Variants in SEMA3A observed in about 807,000 individuals in gnomAD.
SEMA3A encodes the protein semaphorin 3A.
SEMA3A carries 29 observed loss-of-function variants against 97.9 expected under a neutral mutation model. The observed-to-expected ratio is 0.30, with a 90% CI of 0.22 to 0.40. The LOEUF is 0.40. Among genes scored for constraint, SEMA3A ranks in the 10% least tolerant of loss-of-function variants. The probability of loss-of-function intolerance (pLI) is 1.00; values close to 1 mark genes in which losing one functional copy is unlikely to be tolerated. For missense variants in SEMA3A, 763 were observed against 951.3 expected, an observed-to-expected ratio of 0.80 and a Z score of 2.60; for synonymous variants, 321 against 323.7, an observed-to-expected ratio of 0.99 and a Z score of 0.09.
chr7:84,329,479 A>G (rs905011108), intron 2 of SEMA3A, among the ~76,000 whole-genome samples: 2 of 152,136 alleles, frequency 1.3e-5, no homozygotes, highest in East Asian at 3.9e-4. Flanking sequence ...ACTTCTCCCA[A>G]TGTGGCCCAC....
At chr7:84,176,072 C>G (rs565978976) in intron 1 of SEMA3A, among the ~76,000 whole-genome samples, 1 of 134,020 alleles carries the variant, frequency 7.5e-6, no homozygotes, top group African/African-American at 2.6e-5. Flanking sequence ...GCTTATCTTC[C>G]TTAAGAACAA....
intron 1 of SEMA3A, among the ~76,000 whole-genome samples, chr7:84,138,588 C>G (rs768689407): frequency 3.9e-5 from 6 of 152,004 alleles, no homozygotes; most frequent in Non-Finnish European, 7.4e-5. Context: ...AAACAAACCA[C>G]AGTTTTAAAC....
chr7:83,962,527 T>C (rs1168560938), intron 16 of SEMA3A, among the ~76,000 whole-genome samples: 3 of 152,310 alleles, frequency 2.0e-5, no homozygotes, highest in African/African-American at 4.8e-5. Flanking sequence ...CATCATATTA[T>C]GTTTGTAAAA....
chr7:84,393,635 G>A (rs1335077929), intron 1 of SEMA3A, among the ~76,000 whole-genome samples: 1 of 152,070 alleles, frequency 6.6e-6, no homozygotes, highest in Non-Finnish European at 1.5e-5. Flanking sequence ...CAAGGCAAAT[G>A]TCTTCTGTTT....
chr7:84,391,520 T>A lies in SEMA3A; in HGVS notation c.-245-19620A>T, dbSNP rs186887777. Among the ~76,000 whole-genome samples, 353 of 152,176 alleles carry A rather than the reference T, an allele frequency of 2.3e-3. 1 individual carries two copies. Among genetic ancestry groups the A allele is most frequent in the African/African-American group, 8.1e-3 (336 of 41,514 alleles). ...TCCCTCAGTGATAGAAGTAAATATT[T>A]TGGAACAGCAGGAACAGACAGATTG... On this transcript the variant is annotated intron_variant, in intron 1 of 3. Transcript: ENST00000424555.
Position 83,988,300 on chromosome 7 carries a change from C to T in SEMA3A, c.1453-2823G>A, listed in dbSNP as rs368099531. Among the ~76,000 whole-genome samples the T allele has an allele frequency of 3.1e-3, 479 of 152,086 alleles. 3 individuals are homozygous for T. The highest frequency in any genetic ancestry group is 0.011 in the African/African-American group (446 of 41,472). ...GGAGTGCAGTGGCGTGATCTCGGCT[C>T]GCTGCTAGCTCTGCCCCTCGGGTTC... On this transcript the variant is annotated intron_variant, in intron 12 of 16. Transcript: ENST00000265362.
At chr7:84,062,746 C>G (rs1220331124) in intron 4 of SEMA3A, among the ~76,000 whole-genome samples, 1 of 152,220 alleles carries the variant, frequency 6.6e-6, no homozygotes, top group African/African-American at 2.4e-5. Context: ...AGATTATATC[C>G]CGCACCTGGC....
At chr7:84,331,999 A>T (rs1451931028) in intron 2 of SEMA3A, among the ~76,000 whole-genome samples, 1 of 152,154 alleles carries the variant, frequency 6.6e-6, no homozygotes, top group Non-Finnish European at 1.5e-5. Flanking sequence ...AAAAAGTAAA[A>T]GTCCTGACTC....
intron 15 of SEMA3A, 28 bp from the exon 16 acceptor site, chr7:83,963,375 G>C (rs1182338944): frequency 1.3e-6 from 2 of 1,593,016 alleles, no homozygotes; most frequent in Non-Finnish European, 1.7e-6. Flanking sequence ...AATGCAATGA[G>C]AAAATATTAG....
chr7:84,135,418 T>C (rs1195467357), intron 1 of SEMA3A, among the ~76,000 whole-genome samples: 1 of 152,018 alleles, frequency 6.6e-6, no homozygotes, highest in African/African-American at 2.4e-5. Flanking sequence ...GCCTGCATTT[T>C]ATTAAAATGA....
intron 1 of SEMA3A, among the ~76,000 whole-genome samples, chr7:84,151,340 G>C (rs1367239655): frequency 6.6e-6 from 1 of 150,980 alleles, no homozygotes; most frequent in Non-Finnish European, 1.5e-5. Flanking sequence ...TGAAAACTTT[G>C]AAAAAAATTT....
At chr7:83,967,856 A>G (rs1028744118) in intron 15 of SEMA3A, among the ~76,000 whole-genome samples, 29 of 152,296 alleles carry the variant, frequency 1.9e-4, no homozygotes, top group Non-Finnish European at 4.0e-4. Flanking sequence ...TGATATTTCA[A>G]TACATGTATA....
intron 4 of SEMA3A, among the ~76,000 whole-genome samples, chr7:84,066,013 A>C (rs1793473956): frequency 6.6e-6 from 1 of 151,518 alleles, no homozygotes; most frequent in African/African-American, 2.4e-5. Flanking sequence ...TTGATGCAAA[A>C]ATCCTCAATA....
chr7:83,963,612 CAT>C (rs988494227), intron 15 of SEMA3A, among the ~76,000 whole-genome samples: 14 of 152,250 alleles, frequency 9.2e-5, no homozygotes, highest in South Asian at 2.1e-4. Context: ...CAAAATCAAT[CAT>C]GTGTGTAGCA....
chr7:83,956,219 A>G lies in SEMA3A; in HGVS notation c.*5152T>C, dbSNP rs1376626200. 6.6e-6 allele frequency: 1 copy of G among 152,104 alleles called. No individual in the cohort carries two copies. Among genetic ancestry groups the G allele is most frequent in the Non-Finnish European group, 1.5e-5 (1 of 68,010 alleles). The allele number at this position is 152,104 out of a possible 1,614,324, so 9.4% of individuals were successfully genotyped here. A position where few individuals can be genotyped will look rare whatever the true frequency, so the allele number is the denominator to read the frequency against. ...CACATTTTAATGCTATCTTTGCTGA[A>G]GTCTTGTTTGTGAGCCACCTTGCTT... On this transcript the variant is annotated 3_prime_UTR_variant, in exon 17 of 17. Coordinates refer to ENST00000265362, the MANE Select transcript of SEMA3A (RefSeq NM_006080.3).
At chr7:84,031,902 T>C (rs17158532) in intron 6 of SEMA3A, among the ~76,000 whole-genome samples, 15,322 of 152,140 alleles carry the variant, frequency 0.1, 1,116 homozygotes, top group African/African-American at 0.2. Context: ...ATGCTTTCTT[T>C]CCTCTGAAAA....
intron 15 of SEMA3A, among the ~76,000 whole-genome samples, chr7:83,966,967 T>C (rs898650233): frequency 8.3e-4 from 126 of 152,172 alleles, no homozygotes; most frequent in Non-Finnish European, 4.4e-5. Flanking sequence ...CGCCTCGGCC[T>C]CTCAAAGTGC....
intron 4 of SEMA3A, among the ~76,000 whole-genome samples, chr7:84,104,735 TATTTAGA>T (rs1182855936): frequency 1.2e-4 from 18 of 152,262 alleles, no homozygotes; most frequent in African/African-American, 2.6e-4. Context: ...TTACTGATAA[TATTTAGA>T]ATTTAGAACT....
intron 3 of SEMA3A, among the ~76,000 whole-genome samples, chr7:84,290,628 A>G (rs1584206741): frequency 6.6e-6 from 1 of 152,202 alleles, no homozygotes; most frequent in East Asian, 1.9e-4. Context: ...CCAGAATAGC[A>G]GTTCTCTTCT....
Sources: allele counts gnomAD v4.1 joint callset (sites outside exome capture counted in the v4.1 genomes callset), GRCh38; gene constraint gnomAD v4.1.1; transcripts MANE v1.5; gene names NCBI Gene and HGNC (gene_info 2026-07-23, HGNC 2026-07-21).